Variants in ANO3 observed in about 807,000 individuals in gnomAD.
ANO3 encodes the protein anoctamin 3, also known as anoctamin-3.
A neutral mutation model predicts 144.8 loss-of-function variants in ANO3; 99 were observed. The ratio of observed to expected loss-of-function variants is 0.68; its 90% CI spans 0.58 to 0.81. The LOEUF (loss-of-function observed/expected upper bound fraction) is 0.81. Ranked by LOEUF, ANO3 falls within the 30% of genes least tolerant of loss-of-function variation. The pLI, the probability that ANO3 is intolerant of heterozygous loss-of-function variation, is 0.00. For missense variants in ANO3, 905 were observed against 1,202.2 expected, an observed-to-expected ratio of 0.75 and a Z score of 3.66; for synonymous variants, 414 against 392.6, an observed-to-expected ratio of 1.05 and a Z score of -0.64.
chr11:26,212,783 G>A (rs538462970), intron 1 of ANO3, among the ~76,000 whole-genome samples: 24 of 151,960 alleles, frequency 1.6e-4, no homozygotes, highest in Non-Finnish European at 2.9e-4. Flanking sequence ...CTTTTTATGA[G>A]GCCAGCATCA....
chr11:26,422,272 C>G (rs765441017), intron 1 of ANO3, among the ~76,000 whole-genome samples: 4 of 151,944 alleles, frequency 2.6e-5, no homozygotes, highest in African/African-American at 4.8e-5. Flanking sequence ...TCAATTTTCT[C>G]TTTGAAGTTT....
rs1267115322 is a variant in ANO3 at position 26,477,775 on chromosome 11, G to A, written c.432+14627G>A. Among the ~76,000 whole-genome samples the A allele has an allele frequency of 2.6e-5, 4 of 152,250 alleles. No homozygotes were observed. The South Asian group carries it at 8.3e-4, about 32-fold the overall frequency. On this transcript the variant is annotated intron_variant, in intron 4 of 26. Coordinates refer to ENST00000256737, the MANE Select transcript of ANO3 (RefSeq NM_031418.4). ...ATAGAGTTATTAGTGTGGCCTTCAA[G>A]AGTAAAAGCACAATTCATGGAAGGG...
chr11:26,606,696 C>T (rs545044616), intron 17 of ANO3, among the ~76,000 whole-genome samples: 1 of 152,024 alleles, frequency 6.6e-6, no homozygotes, highest in African/African-American at 2.4e-5. Flanking sequence ...GAATATAGGA[C>T]ACACATGGGT....
chr11:26,335,623 A>G (rs7103837), intron 1 of ANO3, among the ~76,000 whole-genome samples: 60,686 of 151,998 alleles, frequency 0.4, 12,353 homozygotes, highest in African/African-American at 0.43. Context: ...TTTGCAAGAA[A>G]TGGTATTTAT....
chr11:26,354,895 A>G (rs1164557906), intron 1 of ANO3, among the ~76,000 whole-genome samples: 1 of 152,058 alleles, frequency 6.6e-6, no homozygotes, highest in Non-Finnish European at 1.5e-5. Flanking sequence ...AAATTTCTTA[A>G]AAATGTATTT....
At chr11:26,536,309 A>G (rs1203522381) in intron 9 of ANO3, among the ~76,000 whole-genome samples, 13 of 149,532 alleles carry the variant, frequency 8.7e-5, no homozygotes, top group Non-Finnish European at 1.6e-4. Flanking sequence ...GCAGAGTTAG[A>G]CTCTGTCTCA....
chr11:26,381,302 A>T (rs1407179885), intron 1 of ANO3, among the ~76,000 whole-genome samples: 1 of 152,170 alleles, frequency 6.6e-6, no homozygotes, highest in East Asian at 1.9e-4. Context: ...AAGGCATCAC[A>T]CAAGAGTTAT....
intron 14 of ANO3, among the ~76,000 whole-genome samples, chr11:26,597,201 C>T (rs1851658266): frequency 6.6e-6 from 1 of 152,174 alleles, no homozygotes; most frequent in Non-Finnish European, 1.5e-5. Context: ...TGGCAGGCCA[C>T]TCCCAAGATG....
At chr11:26,605,621 G>A (rs1851914050) in intron 17 of ANO3, among the ~76,000 whole-genome samples, 1 of 152,054 alleles carries the variant, frequency 6.6e-6, no homozygotes, top group Admixed American at 6.5e-5. Flanking sequence ...ACTGTTATTG[G>A]TCTATTCAGG....
chr11:26,585,186 T>A (rs868323678), intron 14 of ANO3, among the ~76,000 whole-genome samples: 4 of 152,174 alleles, frequency 2.6e-5, no homozygotes, highest in African/African-American at 9.7e-5. Flanking sequence ...AGCACACATT[T>A]CTTTGTACAA....
chr11:26,265,229 C>T (rs1006346862), intron 1 of ANO3, among the ~76,000 whole-genome samples: 8 of 152,138 alleles, frequency 5.3e-5, no homozygotes, highest in Non-Finnish European at 8.8e-5. Flanking sequence ...TTCAACTTAC[C>T]CACTTTCACT....
chr11:26,544,273 T>TATATATATATATATATATATACACACAC, intron 11 of ANO3, among the ~76,000 whole-genome samples: 24 of 58,526 alleles, frequency 4.1e-4, no homozygotes, highest in Middle Eastern at 0.011. Flanking sequence ...TATATATATA[T>TATATATATATATATATATATACACACAC]ACACACATAC....
At chr11:26,505,878 C>G (rs1368822930) in intron 4 of ANO3, among the ~76,000 whole-genome samples, 2 of 151,420 alleles carry the variant, frequency 1.3e-5, no homozygotes, top group Non-Finnish European at 1.5e-5. Flanking sequence ...GTCCCAGCTA[C>G]TCTGGAGGCT....
chr11:26,349,764 G>A (rs2133910792), intron 1 of ANO3, among the ~76,000 whole-genome samples: 1 of 152,168 alleles, frequency 6.6e-6, no homozygotes, highest in South Asian at 2.1e-4. Context: ...TAGCCAGGAT[G>A]GTCTCGATCT....
At chr11:26,567,053 A>T in intron 14 of ANO3, 1 of 1,509,098 alleles carries the variant, frequency 6.6e-7, no homozygotes, top group Non-Finnish European at 8.9e-7. Context: ...GATACTTACA[A>T]CAATCCCTTG....
intron 7 of ANO3, among the ~76,000 whole-genome samples, chr11:26,528,223 G>A (rs886445659): frequency 2.6e-5 from 4 of 152,074 alleles, no homozygotes; most frequent in African/African-American, 9.7e-5. Context: ...GTGCCCCGTG[G>A]TGTCAGACAA....
Position 26,661,359 on chromosome 11 carries a change from GT to G in ANO3, c.*919del, listed in dbSNP as rs1327470821. On this transcript the variant is annotated 3_prime_UTR_variant, in exon 27 of 27. Transcript: ENST00000256737. ...AACTTGAAATGCTGTAAATACGTTG[GT>G]TTTCCTTGTCCCTTTGCACCTTGAC... 1 of 152,456 alleles carries G rather than the reference GT, an allele frequency of 6.6e-6. No homozygotes were observed. Among genetic ancestry groups the G allele is most frequent in the Non-Finnish European group, 1.5e-5 (1 of 67,996 alleles). 9.4% of individuals were successfully genotyped at this position (152,456 alleles called of 1,614,324 possible). A position where few individuals can be genotyped will look rare whatever the true frequency, so the allele number is the denominator to read the frequency against.
At chr11:26,283,519 A>C (rs963030549) in intron 1 of ANO3, among the ~76,000 whole-genome samples, 6 of 151,766 alleles carry the variant, frequency 4.0e-5, no homozygotes, top group Admixed American at 3.9e-4. Context: ...TCAGTACAAC[A>C]TGAAAAGTAG....
intron 3 of ANO3, among the ~76,000 whole-genome samples, chr11:26,451,137 A>G (rs963166397): frequency 3.9e-5 from 6 of 152,158 alleles, no homozygotes; most frequent in Admixed American, 1.3e-4. Context: ...ACTCCGGTCT[A>G]CAGATCCCAG....
Sources: gnomAD v4.1 joint callset for allele counts (sites outside exome capture counted in the v4.1 genomes callset) on GRCh38, gnomAD v4.1.1 for gene constraint, MANE v1.5 for transcripts, NCBI Gene and HGNC (gene_info 2026-07-23, HGNC 2026-07-21) for gene names.